The following WWOX variants were observed in gnomAD, a reference collection of about 807,000 sequenced individuals.
The protein encoded by WWOX is WW domain-containing oxidoreductase.
A neutral mutation model predicts 46.2 loss-of-function variants in WWOX; 69 were observed. The ratio of observed to expected loss-of-function variants is 1.49; its 90% CI spans 1.23 to 1.82. WWOX has a LOEUF of 1.82. Among genes scored for constraint, WWOX ranks in the 40% most tolerant of loss-of-function variants. The pLI is 0.00. For synonymous variants in WWOX, 359 were observed against 202.6 expected (o/e 1.77, Z -6.56); for missense variants, 919 against 542.6 (o/e 1.69, Z -6.89).
At chr16:78,346,892 T>A (rs11641764) in intron 5 of WWOX, among the ~76,000 whole-genome samples, 47,221 of 114,868 alleles carry the variant, frequency 0.41, 17,349 homozygotes, top group African/African-American at 0.56. Flanking sequence ...GTTTTATTTT[T>A]ATTTTATTTT....
intron 8 of WWOX, among the ~76,000 whole-genome samples, chr16:78,850,419 A>G (rs1460258315): frequency 6.6e-6 from 1 of 152,226 alleles, no homozygotes; most frequent in African/African-American, 2.4e-5. Context: ...TTAATGTCAA[A>G]TATCAGCTAG....
chr16:78,927,605 A>G (rs537762302), intron 8 of WWOX, among the ~76,000 whole-genome samples: 30 of 152,316 alleles, frequency 2.0e-4, no homozygotes, highest in African/African-American at 6.7e-4. Context: ...TGTAGTTCAC[A>G]TAACTATTTG....
At chr16:78,332,769 A>T (rs2080791477) in intron 5 of WWOX, among the ~76,000 whole-genome samples, 1 of 152,064 alleles carries the variant, frequency 6.6e-6, no homozygotes, top group African/African-American at 2.4e-5. Flanking sequence ...TTAAGTGTGC[A>T]TTCAGAACTT....
chr16:78,565,881 C>T (rs935674118), intron 8 of WWOX, among the ~76,000 whole-genome samples: 2 of 150,886 alleles, frequency 1.3e-5, no homozygotes, highest in African/African-American at 2.4e-5. Context: ...GTGGGTAAGA[C>T]CATCACATTT....
intron 8 of WWOX, among the ~76,000 whole-genome samples, chr16:78,554,706 A>T (rs1264916405): frequency 2.0e-5 from 3 of 152,058 alleles, no homozygotes; most frequent in Non-Finnish European, 4.4e-5. Flanking sequence ...GAGGTGGCCT[A>T]AGGCAGCCTT....
Position 79,038,613 on chromosome 16 carries a change from A to C in WWOX, c.1057-172995A>C, listed in dbSNP as rs779437919. On this transcript the variant is annotated intron_variant, in intron 8 of 8. Coordinates refer to ENST00000566780, the MANE Select transcript of WWOX (RefSeq NM_016373.4). Reference sequence around the variant, plus strand: ...CACACAGGCTGGAGTGCAATGGTGCAATCTCAGCTCACTGCAATGTCTGCC... The same window carrying C: ...CACACAGGCTGGAGTGCAATGGTGCCATCTCAGCTCACTGCAATGTCTGCC... Among the ~76,000 whole-genome samples the C allele has an allele frequency of 2.6e-5, 4 of 152,260 alleles. No homozygotes were observed. In the East Asian group the frequency reaches 5.8e-4, roughly 22 times the overall value.
At chr16:78,534,246 T>G (rs1413062288) in intron 8 of WWOX, 1 of 152,164 alleles carries the variant, frequency 6.6e-6, no homozygotes, top group African/African-American at 2.4e-5. Flanking sequence ...AACAATATCT[T>G]CCTGAGAATG....
At chr16:78,583,571 C>A (rs747593263) in intron 8 of WWOX, among the ~76,000 whole-genome samples, 18 of 152,110 alleles carry the variant, frequency 1.2e-4, no homozygotes, top group Non-Finnish European at 2.4e-4. Flanking sequence ...TGAGAGGAGG[C>A]CTTGAAATGT....
intron 6 of WWOX, among the ~76,000 whole-genome samples, chr16:78,409,937 A>C (rs2151949143): frequency 6.6e-6 from 1 of 152,304 alleles, no homozygotes; most frequent in Non-Finnish European, 1.5e-5. Flanking sequence ...TCCCTGTCTC[A>C]AGGTGATAGA....
chr16:79,093,490 T>C (rs142981429), intron 8 of WWOX, among the ~76,000 whole-genome samples: 111 of 152,064 alleles, frequency 7.3e-4, no homozygotes, highest in African/African-American at 2.7e-3. Flanking sequence ...ATATATATGA[T>C]GATTTTTTTT....
intron 8 of WWOX, among the ~76,000 whole-genome samples, chr16:78,739,199 C>T (rs962830876): frequency 1.8e-4 from 28 of 152,056 alleles, no homozygotes; most frequent in African/African-American, 5.1e-4. Flanking sequence ...CTTAAGTACC[C>T]GGCTAAAATT....
At chr16:78,325,550 A>G (rs990974868) in intron 5 of WWOX, among the ~76,000 whole-genome samples, 3 of 152,200 alleles carry the variant, frequency 2.0e-5, no homozygotes, top group Non-Finnish European at 2.9e-5. Flanking sequence ...TTCCCTCCAC[A>G]TAATCTTCAG....
chr16:78,476,622 A>T (rs900500861), intron 8 of WWOX, among the ~76,000 whole-genome samples: 5 of 85,544 alleles, frequency 5.8e-5, no homozygotes, highest in Non-Finnish European at 2.2e-5. Context: ...TACATATTAA[A>T]AAAAAAAAGA....
intron 8 of WWOX, among the ~76,000 whole-genome samples, chr16:79,195,756 A>G (rs1292130080): frequency 1.3e-5 from 2 of 152,194 alleles, no homozygotes; most frequent in Non-Finnish European, 1.5e-5. Flanking sequence ...TGTTTTGGGG[A>G]AACACTCCAG....
At chr16:79,195,827 G>A (rs1019921470) in intron 8 of WWOX, among the ~76,000 whole-genome samples, 20 of 152,304 alleles carry the variant, frequency 1.3e-4, no homozygotes, top group Admixed American at 1.2e-3. Context: ...CATTGTAGAT[G>A]CAAATGTGTG....
intron 8 of WWOX, among the ~76,000 whole-genome samples, chr16:78,834,490 T>C (rs2051920729): frequency 6.6e-6 from 1 of 151,984 alleles, no homozygotes; most frequent in African/African-American, 2.4e-5. Flanking sequence ...CAAAGAAACA[T>C]AGTAAGTGAG....
chr16:78,543,134 C>G (rs1458286533), intron 8 of WWOX, among the ~76,000 whole-genome samples: 1 of 152,230 alleles, frequency 6.6e-6, no homozygotes, highest in African/African-American at 2.4e-5. Context: ...TCTGCACAGT[C>G]CCTGAGGGAC....
At chr16:78,726,153 TTCTCTTTCTGTGTC>T (rs1310028117) in intron 8 of WWOX, among the ~76,000 whole-genome samples, 3 of 130,026 alleles carry the variant, frequency 2.3e-5, no homozygotes, top group Non-Finnish European at 5.0e-5. Flanking sequence ...CTTTCTCTCT[TTCTCTTTCTGTGTC>T]TCTCTTTTCT....
chr16:78,479,896 C>G (rs1400666897), intron 8 of WWOX, among the ~76,000 whole-genome samples: 2 of 151,672 alleles, frequency 1.3e-5, no homozygotes, highest in Admixed American at 6.6e-5. Context: ...TTCACTGCCC[C>G]CTCCTGGGAA....
Sources: gnomAD v4.1 joint callset for allele counts (sites outside exome capture counted in the v4.1 genomes callset) on GRCh38, gnomAD v4.1.1 for gene constraint, MANE v1.5 for transcripts, NCBI Gene and HGNC (gene_info 2026-07-23, HGNC 2026-07-21) for gene names.